Variants in FBXL19 observed in about 807,000 individuals in gnomAD.
The protein encoded by FBXL19 is F-box/LRR-repeat protein 19.
Under a neutral mutation model 71.2 loss-of-function variants are expected in FBXL19, and 16 were observed. That is an observed-to-expected ratio of 0.22 (90% CI 0.15 to 0.34). The LOEUF is 0.34. Among genes scored for constraint, FBXL19 ranks in the 10% least tolerant of loss-of-function variants. The pLI is 1.00. For synonymous variants in FBXL19, 447 were observed against 409.4 expected (o/e 1.09, Z -1.11); for missense variants, 658 against 968.2 (o/e 0.68, Z 4.25).
chr16:30,932,228 C>T (rs994307660), intron 7 of FBXL19, among the ~76,000 whole-genome samples: 4 of 152,224 alleles, frequency 2.6e-5, no homozygotes, highest in Admixed American at 6.5e-5. Flanking sequence ...CCAGTATTTA[C>T]TTAGTTGCAA....
intron 7 of FBXL19, among the ~76,000 whole-genome samples, chr16:30,940,305 A>G (rs1050264248): frequency 2.6e-5 from 4 of 151,670 alleles, no homozygotes; most frequent in African/African-American, 9.7e-5. Flanking sequence ...CTGTAGTCCC[A>G]GCTACTCAGG....
intron 7 of FBXL19, among the ~76,000 whole-genome samples, chr16:30,936,614 T>TG (rs1777498196): frequency 6.8e-6 from 1 of 147,356 alleles, no homozygotes; most frequent in African/African-American, 2.5e-5. Flanking sequence ...TTTTTTTTTT[T>TG]TTTTTTGTTT....
At chr16:30,937,084 G>A (rs1419659394) in intron 7 of FBXL19, among the ~76,000 whole-genome samples, 1 of 152,070 alleles carries the variant, frequency 6.6e-6, no homozygotes, top group Non-Finnish European at 1.5e-5. Flanking sequence ...TGATGGTAAT[G>A]TTGACCTCCT....
Position 30,930,008 on chromosome 16 carries a change from C to A in FBXL19, c.790-65C>A, listed in dbSNP as rs942864618. On this transcript the variant is annotated intron_variant, in intron 6 of 10. Transcript: ENST00000338343. This position sits in a 1 kb window ranked among gnomAD's most constrained non-coding sequence, Gnocchi z 8.5. ...GGCTGTTCATCCCCTGGTGACTCCT[C>A]GGGGTAGGGGGGTGGGAAAATGTAT... The A allele has an allele frequency of 6.5e-6, 10 of 1,544,870 alleles. No individual in the cohort carries two copies. In the Admixed American group the frequency reaches 1.7e-4, roughly 26 times the overall value.
chr16:30,946,722 C>A lies in FBXL19; in HGVS notation c.1628-8C>A, dbSNP rs907954229. 25 of 1,609,890 alleles carry A rather than the reference C, an allele frequency of 1.6e-5. No individual in the cohort carries two copies. The highest frequency in any genetic ancestry group is 2.0e-5 in the Non-Finnish European group (24 of 1,178,676). ...CCAGGAGTGCTGACCTCTCATCTGG[C>A]TGCCCAGGGCAAACAGAGAGCCGTG... On this transcript the variant is annotated splice_polypyrimidine_tract_variant and splice_region_variant and intron_variant, in intron 9 of 10. Transcript: ENST00000338343. The surrounding 1 kb of genome is among the most constrained non-coding windows in gnomAD (Gnocchi z 6.7).
At chr16:30,943,367 A>ATTTT (rs34002102) in intron 9 of FBXL19, among the ~76,000 whole-genome samples, 14 of 67,570 alleles carry the variant, frequency 2.1e-4, no homozygotes, top group Non-Finnish European at 3.1e-4. Context: ...TTTTTTTGTA[A>ATTTT]TTTTTTTTTT....
Position 30,927,663 on chromosome 16 carries a change from GGGGCT to G in FBXL19, c.408+16_408+20del, listed in dbSNP as rs777252690. 19 of 1,565,012 alleles carry G rather than the reference GGGGCT, an allele frequency of 1.2e-5. No individual in the cohort carries two copies. Among genetic ancestry groups the G allele is most frequent in the Admixed American group, 1.9e-5 (1 of 52,116 alleles). On this transcript the variant is annotated splice_donor_5th_base_variant and intron_variant, in intron 4 of 10. Coordinates refer to ENST00000338343, the MANE Select transcript of FBXL19 (RefSeq NM_001382779.1). ...CCAGGAAGGCCGCACCAGCAAGGTA[GGGGCT>G]GGGCTGGGCTGAGCTGTGGGTAGGT...
intron 6 of FBXL19, among the ~76,000 whole-genome samples, chr16:30,929,051 G>A (rs1274579682): frequency 6.6e-6 from 1 of 152,182 alleles, no homozygotes; most frequent in African/African-American, 2.4e-5. Context: ...GAAAGGCAAT[G>A]AGCTTTGTAA....
Position 30,930,207 on chromosome 16 carries a change from G to C in FBXL19, c.924G>C (p.Ser308=). 2 of 1,613,170 alleles carry C rather than the reference G, an allele frequency of 1.2e-6. No homozygotes were observed. The highest frequency in any genetic ancestry group is 1.7e-6 in the Non-Finnish European group (2 of 1,179,890). ...TGCCTGACACCTCCTCTTCCTCCTC[G>C]GACTCAGACTCCGACTCCGACTCTT... ...ERVPDTSSSS[S]DSDSDSDSSG... The change falls in exon 7 of 11, where the codon TCG becomes TCC. Residue 308 remains serine, a synonymous_variant. Transcript: ENST00000338343. The surrounding 1 kb of genome is among the most constrained non-coding windows in gnomAD (Gnocchi z 8.5).
intron 7 of FBXL19, among the ~76,000 whole-genome samples, chr16:30,936,601 CTT>C (rs547272418): frequency 5.9e-5 from 7 of 118,180 alleles, no homozygotes; most frequent in Admixed American, 2.6e-4. Context: ...AATTTTTTTT[CTT>C]TTTTTTTTTT....
At chr16:30,938,447 A>C (rs530526809) in intron 7 of FBXL19, among the ~76,000 whole-genome samples, 1 of 152,294 alleles carries the variant, frequency 6.6e-6, no homozygotes, top group South Asian at 2.1e-4. Flanking sequence ...TTGAGGCTGC[A>C]GTGAGCTATG....
chr16:30,927,753 T>G lies in FBXL19; in HGVS notation c.417T>G (p.Gly139=). 1 of 1,556,590 alleles carries G rather than the reference T, an allele frequency of 6.4e-7. No individual in the cohort carries two copies. ...TQEGRTSKDS[G]EGPGRRRADN... is the part of the protein sequence containing the mutation. Reference sequence around the variant, plus strand: ...GCTTCTGTCCCGCCTAGGATTCAGGTGAGGGGCCTGGCCGCCGTAGGGCCG... The same window carrying G: ...GCTTCTGTCCCGCCTAGGATTCAGGGGAGGGGCCTGGCCGCCGTAGGGCCG... Residue 139 remains glycine, a synonymous_variant, in exon 5 of 11, where the codon GGT becomes GGG. Transcript: ENST00000338343.
chr16:30,926,010 C>G (rs2055586398), intron 2 of FBXL19, 79 bp downstream of exon 2: 1 of 1,389,348 alleles, frequency 7.2e-7, no homozygotes, highest in Non-Finnish European at 9.3e-7. Flanking sequence ...GCCTCCCAGC[C>G]TGTACTGTGG....
chr16:30,922,851 G>A (rs1056155607), upstream of FBXL19: 1 of 351,486 alleles, frequency 2.8e-6, no homozygotes, highest in Non-Finnish European at 5.7e-6. Flanking sequence ...TGGTGGGGGG[G>A]ATTTCGAGAC....
At chr16:30,928,103 G>A in intron 5 of FBXL19, 140 bp downstream of exon 5, 3 of 617,336 alleles carry the variant, frequency 4.9e-6, no homozygotes, top group Non-Finnish European at 8.2e-6. Flanking sequence ...TAGTTCAGGA[G>A]TTGGGTGGGG....
At chr16:30,927,191 C>G in intron 2 of FBXL19, 117 bp from the exon 3 acceptor site, 8 of 1,077,808 alleles carry the variant, frequency 7.4e-6, no homozygotes, top group Non-Finnish European at 1.0e-5. Flanking sequence ...AGGATCAGAC[C>G]CAGCTTGACC....
intron 9 of FBXL19, among the ~76,000 whole-genome samples, chr16:30,943,838 C>T (rs1457267982): frequency 1.3e-5 from 2 of 152,186 alleles, no homozygotes; most frequent in African/African-American, 4.8e-5. Flanking sequence ...TTTCACCCCT[C>T]TCTTTCATAG....
At position 30,947,324 on chromosome 16, in the gene FBXL19, C is replaced by G. The variant is rs1440161240; in HGVS notation, c.*94C>G. The G allele has an allele frequency of 9.2e-7, 1 of 1,081,482 alleles. No homozygotes were observed. Among genetic ancestry groups the G allele is most frequent in the Admixed American group, 2.9e-5 (1 of 34,990 alleles). The allele number at this position is 1,081,482 out of a possible 1,614,324, so 67.0% of individuals were successfully genotyped here. On this transcript the variant is annotated 3_prime_UTR_variant, in exon 11 of 11. Transcript: ENST00000338343. ...GGGAGGCCAGGTTCCCACCTCACCACCCTGGGATTCCTGAGTGTCAGTGAC... is the reference window on the plus strand; with the variant it reads ...GGGAGGCCAGGTTCCCACCTCACCAGCCTGGGATTCCTGAGTGTCAGTGAC...
At position 30,942,841 on chromosome 16, in the gene FBXL19, A is replaced by C. The variant is rs1387260487; in HGVS notation, c.1627+305A>C. Among the ~76,000 whole-genome samples the C allele has an allele frequency of 6.6e-6, 1 of 152,170 alleles. No individual in the cohort carries two copies. Among genetic ancestry groups the C allele is most frequent in the Non-Finnish European group, 1.5e-5 (1 of 68,036 alleles). On this transcript the variant is annotated intron_variant, in intron 9 of 10. Transcript: ENST00000338343. This position sits in a 1 kb window ranked among gnomAD's most constrained non-coding sequence, Gnocchi z 5.7. ...GAGCAGAGGCCATCTCTCTTCATCT[A>C]CTTAAATCTCATCATCCTTTAGGCC...
Sources: gnomAD v4.1 joint callset for allele counts (sites outside exome capture counted in the v4.1 genomes callset) on GRCh38, gnomAD v4.1.1 for gene constraint, Gnocchi (gnomAD v3.1) non-coding constraint, MANE v1.5 for transcripts, NCBI Gene and HGNC (gene_info 2026-07-23, HGNC 2026-07-21) for gene names.